Variants in VSX2 observed in about 807,000 individuals in gnomAD.
VSX2 encodes ceh-10 homeo domain containing homolog.
A neutral mutation model predicts 32.1 loss-of-function variants in VSX2; 28 were observed. The ratio of observed to expected loss-of-function variants is 0.87; its 90% CI spans 0.65 to 1.20. VSX2 has a LOEUF of 1.20. Ranked by LOEUF, VSX2 falls within the 50% of genes most tolerant of loss-of-function variation. VSX2 has a pLI of 0.00. For missense variants in VSX2, 506 were observed against 488.7 expected (o/e 1.04, Z -0.33); for synonymous variants, 243 against 214.1 (o/e 1.14, Z -1.18).
rs1046526607 is a variant in VSX2, at chr14:74,239,510, G to C, written c.-52G>C. 6.5e-7 allele frequency: 1 copy of C among 1,549,088 alleles called. No homozygotes were observed. The highest frequency in any genetic ancestry group is 1.4e-5 in the African/African-American group (1 of 73,148). The stretch of plus-strand genomic sequence containing the variant: ...TCGCGAAGCGGGAAGCCCGGCGGGG[G>C]GGTGGGGGGAGCTAAAGACCTGCGG... On this transcript the variant is annotated 5_prime_UTR_variant, in exon 1 of 5. Transcript: ENST00000261980.
intron 3 of VSX2, among the ~76,000 whole-genome samples, chr14:74,251,234 G>A (rs2079227298): frequency 6.6e-6 from 1 of 152,088 alleles, no homozygotes; most frequent in Non-Finnish European, 1.5e-5. Context: ...CAGATCACCT[G>A]AGTTCAGGAG....
In VSX2 at chr14:74,253,326, AG is replaced by A. The variant is rs2079241777; in HGVS notation, c.580-6273del. ...GAGCGGTCAGGAAAGTGAGTGAGAG[AG>A]GGATCAAAGGAATATTGTGGGTTTG... is the stretch of plus-strand genomic sequence containing the variant. On this transcript the variant is annotated intron_variant, in intron 3 of 4. Transcript: ENST00000261980. Among the ~76,000 whole-genome samples the A allele has an allele frequency of 2.0e-5, 3 of 152,314 alleles. No individual in the cohort carries two copies. In the South Asian group the frequency reaches 6.2e-4, roughly 32 times the overall value.
chr14:74,254,705 C>A (rs562363001), intron 3 of VSX2, among the ~76,000 whole-genome samples: 9 of 152,030 alleles, frequency 5.9e-5, no homozygotes, highest in African/African-American at 2.2e-4. Flanking sequence ...TAACACTTAT[C>A]GGACACCTTC....
At chr14:74,242,442 G>A (rs1259024042) in intron 2 of VSX2, among the ~76,000 whole-genome samples, 3 of 152,130 alleles carry the variant, frequency 2.0e-5, no homozygotes, top group Non-Finnish European at 2.9e-5. Flanking sequence ...CTTTTAAAAC[G>A]GCCTATCCTC....
At chr14:74,240,921 C>A (rs1302497027) in intron 1 of VSX2, among the ~76,000 whole-genome samples, 1 of 152,160 alleles carries the variant, frequency 6.6e-6, no homozygotes, top group East Asian at 1.9e-4. Flanking sequence ...CGCTCTCCGT[C>A]GTCCCGGTCC....
At position 74,240,932 on chromosome 14, in the gene VSX2, C is replaced by T. The variant is rs1273662084; in HGVS notation, c.371-250C>T. Among the ~76,000 whole-genome samples, 8 of 152,190 alleles carry T rather than the reference C, an allele frequency of 5.3e-5. No homozygotes were observed. In the East Asian group the frequency reaches 1.5e-3, roughly 29 times the overall value. On this transcript the variant is annotated intron_variant, in intron 1 of 4. Coordinates refer to ENST00000261980, the MANE Select transcript of VSX2 (RefSeq NM_182894.3). ...GCCTCGCTCTCCGTCGTCCCGGTCCCAAGCGCGCCGGGGCCTTTGCCTCTC... is the reference window on the plus strand; with the variant it reads ...GCCTCGCTCTCCGTCGTCCCGGTCCTAAGCGCGCCGGGGCCTTTGCCTCTC...
chr14:74,240,564 T>C (rs1256759053), intron 1 of VSX2, among the ~76,000 whole-genome samples: 1 of 152,098 alleles, frequency 6.6e-6, no homozygotes, highest in Non-Finnish European at 1.5e-5. Context: ...CCGCGCTGCT[T>C]TCCGGGAGGT....
At chr14:74,260,497 G>A (rs535219180) in intron 4 of VSX2, 97 bp from the exon 5 acceptor site, 138 of 1,241,838 alleles carry the variant, frequency 1.1e-4, no homozygotes, top group South Asian at 3.0e-4. Context: ...CTTTCTGCTC[G>A]TCCTTAATTC....
chr14:74,260,672 T>C lies in VSX2; in HGVS notation c.839T>C (p.Leu280Pro). 6.2e-7 allele frequency: 1 copy of C among 1,600,610 alleles called. No homozygotes were observed. The highest frequency in any genetic ancestry group is 1.7e-5 in the Admixed American group (1 of 57,924). Residue 280 changes from leucine to proline, a missense_variant, in exon 5 of 5, where the codon CTC becomes CCC. Coordinates refer to ENST00000261980, the MANE Select transcript of VSX2 (RefSeq NM_182894.3). ...GGGGAACGCCAGGCCCTGCCCAAGC[T>C]CGACAAGATGGAGCAGGACGAGCGG... ...PEGERQALPK[L>P]DKMEQDERGP...
intron 3 of VSX2, among the ~76,000 whole-genome samples, chr14:74,249,705 A>G (rs1247986671): frequency 2.0e-5 from 3 of 152,218 alleles, no homozygotes; most frequent in Non-Finnish European, 4.4e-5. Flanking sequence ...CTACCGTGAC[A>G]TGAGATCCTA....
chr14:74,256,702 C>T (rs1264782173), intron 3 of VSX2, among the ~76,000 whole-genome samples: 4 of 118,034 alleles, frequency 3.4e-5, no homozygotes. Context: ...GAGACAGAGT[C>T]TTGCTCTGTT....
At chr14:74,242,332 T>A (rs1234632974) in intron 2 of VSX2, among the ~76,000 whole-genome samples, 1 of 152,142 alleles carries the variant, frequency 6.6e-6, no homozygotes, top group Admixed American at 6.5e-5. Flanking sequence ...CACATCGTTT[T>A]CTCCCACCCT....
At chr14:74,257,022 G>A (rs2079268091) in intron 3 of VSX2, among the ~76,000 whole-genome samples, 1 of 152,008 alleles carries the variant, frequency 6.6e-6, no homozygotes, top group African/African-American at 2.4e-5. Context: ...TTTCCTCTGT[G>A]GGAGAAAGCA....
chr14:74,253,385 C>A (rs1292167263), intron 3 of VSX2, among the ~76,000 whole-genome samples: 1 of 152,082 alleles, frequency 6.6e-6, no homozygotes, highest in African/African-American at 2.4e-5. Flanking sequence ...AAAAAGGAGC[C>A]TAAATGCTGA....
intron 3 of VSX2, 76 bp downstream of exon 3, chr14:74,245,364 C>T: frequency 2.5e-6 from 4 of 1,592,904 alleles, no homozygotes; most frequent in Middle Eastern, 1.8e-4. Context: ...TTCCAGATGC[C>T]CATGACCCCG....
chr14:74,252,917 C>T (rs1044890165), intron 3 of VSX2, among the ~76,000 whole-genome samples: 42 of 151,820 alleles, frequency 2.8e-4, no homozygotes, highest in Middle Eastern at 3.4e-3. Flanking sequence ...GGCATGGTGG[C>T]GGGTGCCTGT....
In VSX2 at chr14:74,239,808, G is replaced by T; in HGVS notation, c.247G>T (p.Gly83Trp). Reference sequence around the variant, plus strand: ...CGGCATGGGGCTTCTGGGGCCCGGGGGGCTCCCTGGCTTCTACACGCAGCC... The same window carrying T: ...CGGCATGGGGCTTCTGGGGCCCGGGTGGCTCCCTGGCTTCTACACGCAGCC... ...VGGMGLLGPGGLPGFYTQPTF... is the reference protein window; with the variant it reads ...VGGMGLLGPGWLPGFYTQPTF... Residue 83 changes from glycine to tryptophan, a missense_variant, in exon 1 of 5, where the codon GGG (glycine) becomes TGG (tryptophan). Gly to Trp is a radical substitution (Grantham distance 184). Coordinates refer to ENST00000261980, the MANE Select transcript of VSX2 (RefSeq NM_182894.3). 6.4e-7 allele frequency: 1 copy of T among 1,570,666 alleles called. No homozygotes were observed. The highest frequency in any genetic ancestry group is 2.3e-5 in the East Asian group (1 of 43,090).
chr14:74,247,125 C>T (rs2079197773), intron 3 of VSX2, among the ~76,000 whole-genome samples: 1 of 152,076 alleles, frequency 6.6e-6, no homozygotes, highest in African/African-American at 2.4e-5. Flanking sequence ...CTTTGAGCAC[C>T]ACATGCCTGA....
chr14:74,259,631 G>A lies in VSX2; in HGVS notation c.609G>A (p.Trp203Ter), dbSNP rs1566888340. The A allele has an allele frequency of 1.2e-6, 2 of 1,614,212 alleles. No homozygotes were observed. Among genetic ancestry groups the A allele is most frequent in the Non-Finnish European group, 1.7e-6 (2 of 1,180,034 alleles). Residue 203 changes from tryptophan (W) to a stop codon, truncating the protein, a stop_gained, in exon 4 of 5, where the codon TGG (tryptophan) becomes TGA (stop). Transcript: ENST00000261980. LOFTEE classifies it high-confidence loss of function. ...GGTTCCAGAACCGTCGAGCCAAGTG[G>A]AGGAAGCGGGAGAAGTGCTGGGGCC... ...QVWFQNRRAK[W>*]RKREKCWGRS...
Sources: allele counts gnomAD v4.1 joint callset (sites outside exome capture counted in the v4.1 genomes callset), GRCh38; gene constraint gnomAD v4.1.1; transcripts MANE v1.5; gene names NCBI Gene and HGNC (gene_info 2026-07-23, HGNC 2026-07-21).